KDM2A: variants seen among roughly 807,000 people sequenced by gnomAD.
KDM2A encodes lysine-specific demethylase 2A.
KDM2A carries 3 observed loss-of-function variants against 137.3 expected under a neutral mutation model. The observed-to-expected ratio is 0.02, with a 90% CI of 0.01 to 0.06. KDM2A has a LOEUF of 0.06. Ranked by LOEUF, KDM2A falls within the 10% of genes least tolerant of loss-of-function variation. KDM2A has a pLI of 1.00. For missense variants in KDM2A, 738 were observed against 1,510.6 expected (o/e 0.49, Z 8.48); for synonymous variants, 512 against 541.5 (o/e 0.95, Z 0.76).
In KDM2A at chr11:67,254,539, C is replaced by A; in HGVS notation, c.3307+121C>A. On this transcript the variant is annotated intron_variant, in intron 20 of 20. Coordinates refer to ENST00000529006, the MANE Select transcript of KDM2A (RefSeq NM_012308.3). This position sits in a 1 kb window ranked among gnomAD's most constrained non-coding sequence, Gnocchi z 4.7. ...ATTGACCCACATCAGCTCATTTCTT[C>A]ACATCTGGACAAGGACATGGATTTC... 1.2e-6 allele frequency: 1 copy of A among 829,514 alleles called. No homozygotes were observed. Among genetic ancestry groups the A allele is most frequent in the Non-Finnish European group, 2.0e-6 (1 of 502,090 alleles). The allele number at this position is 829,514 out of a possible 1,614,324, so 51.4% of individuals were successfully genotyped here.
intron 2 of KDM2A, among the ~76,000 whole-genome samples, chr11:67,131,407 C>G (rs1006867101): frequency 1.7e-4 from 24 of 143,178 alleles, no homozygotes; most frequent in Admixed American, 4.1e-4. Context: ...TTAGTGTTTT[C>G]TTTTCTTTTT....
intron 5 of KDM2A, among the ~76,000 whole-genome samples, chr11:67,188,664 G>C (rs1264565090): frequency 6.6e-6 from 1 of 151,624 alleles, no homozygotes; most frequent in Non-Finnish European, 1.5e-5. Context: ...GGTGGCACAT[G>C]CCTGTAGTCT....
intron 12 of KDM2A, chr11:67,240,224 T>G (rs1858987794): frequency 1.3e-6 from 2 of 1,535,228 alleles, no homozygotes; most frequent in Non-Finnish European, 1.7e-6. Flanking sequence ...TCTGGGAGAT[T>G]CCAGAATATT....
At chr11:67,215,276 T>C in intron 6 of KDM2A, 64 bp from the exon 7 acceptor site, 5 of 1,054,384 alleles carry the variant, frequency 4.7e-6, no homozygotes. Context: ...TTTCTTGACT[T>C]TAAAATTATC....
intron 10 of KDM2A, among the ~76,000 whole-genome samples, chr11:67,224,863 CAG>C (rs1418956441): frequency 1.1e-5 from 1 of 89,794 alleles, no homozygotes; most frequent in Non-Finnish European, 1.9e-5. Context: ...TTTTTGGAGA[CAG>C]AGTTTCGCTG....
At chr11:67,224,726 A>G (rs1340430734) in intron 10 of KDM2A, among the ~76,000 whole-genome samples, 1 of 151,314 alleles carries the variant, frequency 6.6e-6, no homozygotes, top group African/African-American at 2.4e-5. Flanking sequence ...TCAGCCTCCC[A>G]AAGTGCTGGG....
chr11:67,213,061 C>T (rs1858040360), intron 6 of KDM2A, among the ~76,000 whole-genome samples: 2 of 152,220 alleles, frequency 1.3e-5, no homozygotes, highest in Non-Finnish European at 2.9e-5. Flanking sequence ...AATGGAACAG[C>T]AGGTTAACCT....
rs1859192862 is a variant in KDM2A, at chr11:67,246,008, A to C, written c.1857A>C (p.Thr619=). The C allele has an allele frequency of 5.0e-6, 8 of 1,614,030 alleles. No homozygotes were observed. Among genetic ancestry groups the C allele is most frequent in the Non-Finnish European group, 6.8e-6 (8 of 1,179,878 alleles). ...AGCCCAGACTGCCTCACTCAGTCAC[A>C]TGTTCCCTCTGTGGAGAGGTGGATC... is the stretch of plus-strand genomic sequence containing the variant. The part of the protein sequence containing the change: ...CLAPRLPHSV[T]CSLCGEVDQN... The change falls in exon 15 of 21, where the codon ACA becomes ACC. Residue 619 remains threonine, a synonymous_variant. Transcript: ENST00000529006.
intron 2 of KDM2A, among the ~76,000 whole-genome samples, chr11:67,148,406 G>A (rs1194976064): frequency 6.6e-6 from 1 of 152,090 alleles, no homozygotes; most frequent in African/African-American, 2.4e-5. Flanking sequence ...AGACAACAGA[G>A]TGAGACCTAA....
At chr11:67,239,921 G>A in intron 12 of KDM2A, 1 of 442,446 alleles carries the variant, frequency 2.3e-6, no homozygotes, top group Non-Finnish European at 3.3e-6. Flanking sequence ...TCCCTGGCAG[G>A]GCCTCTTCCA....
intron 2 of KDM2A, among the ~76,000 whole-genome samples, chr11:67,131,091 G>A (rs1008814807): frequency 2.6e-5 from 4 of 152,050 alleles, no homozygotes; most frequent in Non-Finnish European, 5.9e-5. Context: ...TTGCAAGGCC[G>A]AGGCGGGCAG....
chr11:67,153,295 A>G (rs2091816548), intron 2 of KDM2A, among the ~76,000 whole-genome samples: 1 of 152,062 alleles, frequency 6.6e-6, no homozygotes, highest in South Asian at 2.1e-4. Flanking sequence ...GTGTGTCTTA[A>G]TATGCATGTT....
intron 11 of KDM2A, among the ~76,000 whole-genome samples, chr11:67,230,951 G>GT (rs1422231324): frequency 2.7e-4 from 41 of 149,694 alleles, no homozygotes; most frequent in South Asian, 6.4e-4. Context: ...AAGTTTTTTG[G>GT]TTTTTTTTTG....
At chr11:67,236,961 A>G (rs140256700) in intron 12 of KDM2A, among the ~76,000 whole-genome samples, 6 of 152,292 alleles carry the variant, frequency 3.9e-5, no homozygotes, top group African/African-American at 1.4e-4. Context: ...ATAGGAAATA[A>G]GTGCAGTCCA....
intron 12 of KDM2A, among the ~76,000 whole-genome samples, chr11:67,234,921 C>T (rs1303071886): frequency 6.6e-6 from 1 of 151,662 alleles, no homozygotes; most frequent in African/African-American, 2.4e-5. Flanking sequence ...CTGAGGCGGG[C>T]GGATCATGAG....
At chr11:67,196,395 C>T (rs1372624450) in intron 5 of KDM2A, 3 of 456,034 alleles carry the variant, frequency 6.6e-6, no homozygotes, top group Admixed American at 4.7e-5. Context: ...CTGCTTTAAC[C>T]TCTTGCATAG....
intron 5 of KDM2A, among the ~76,000 whole-genome samples, chr11:67,192,684 A>T (rs1857386742): frequency 6.6e-6 from 1 of 151,728 alleles, no homozygotes; most frequent in South Asian, 2.1e-4. Context: ...ACCTCAAGTG[A>T]TCCATCCGCC....
intron 2 of KDM2A, among the ~76,000 whole-genome samples, chr11:67,172,214 C>T (rs1856894011): frequency 1.3e-5 from 2 of 152,056 alleles, no homozygotes; most frequent in Admixed American, 6.6e-5. Flanking sequence ...TCAAGTGATC[C>T]TCCTAGCTTT....
chr11:67,158,413 A>G (rs569271641), intron 2 of KDM2A, among the ~76,000 whole-genome samples: 2 of 152,342 alleles, frequency 1.3e-5, no homozygotes, highest in African/African-American at 2.4e-5. Context: ...TTGTGTGGAC[A>G]TGAGTTTTCA....
Sources: allele counts gnomAD v4.1 joint callset (sites outside exome capture counted in the v4.1 genomes callset), GRCh38; gene constraint gnomAD v4.1.1; non-coding constraint Gnocchi (gnomAD v3.1); transcripts MANE v1.5; gene names NCBI Gene and HGNC (gene_info 2026-07-23, HGNC 2026-07-21).